Variants in HEATR5A observed in about 807,000 individuals in gnomAD.
HEATR5A encodes the protein HEAT repeat-containing protein 5A.
HEATR5A carries 178 observed loss-of-function variants against 218.8 expected under a neutral mutation model. The ratio of observed to expected loss-of-function variants is 0.81; its 90% confidence interval spans 0.72 to 0.92. HEATR5A has a LOEUF of 0.92. Ranked by LOEUF, HEATR5A falls within the 40% of genes least tolerant of loss-of-function variation. The pLI, the probability that HEATR5A is intolerant of heterozygous loss-of-function variation, is 0.00. For missense variants in HEATR5A, 2,420 were observed against 2,418.9 expected (o/e 1.00, Z -0.01); for synonymous variants, 864 against 871.6 (o/e 0.99, Z 0.15).
chr14:31,336,567 A>G (rs1423559396), intron 22 of HEATR5A, among the ~76,000 whole-genome samples: 1 of 143,574 alleles, frequency 7.0e-6, no homozygotes, highest in Non-Finnish European at 1.6e-5. Context: ...ATAGTTTTAA[A>G]ATGAAGTGAT....
Position 31,304,983 on chromosome 14 carries a change from G to A in HEATR5A, c.5161C>T (p.Leu1721=). The change falls in exon 32 of 36, where the codon CTA becomes TTA. Residue 1721 remains leucine, a synonymous_variant. Coordinates refer to ENST00000543095, the MANE Select transcript of HEATR5A (RefSeq NM_015473.4). The part of the protein sequence containing the change: ...PGVKATKPQI[L]LEDGSRLVSA... ...ACCAATCTACTTCCATCTTCTAATA[G>A]TATCTGTGGCTTCGTAGCTTTTACT... is the stretch of plus-strand genomic sequence containing the variant. 1 of 1,613,948 alleles carries A rather than the reference G, an allele frequency of 6.2e-7. No individual in the cohort carries two copies. Among genetic ancestry groups the A allele is most frequent in the Non-Finnish European group, 8.5e-7 (1 of 1,179,866 alleles).
chr14:31,371,869 A>G lies in HEATR5A; in HGVS notation c.1902T>C (p.Thr634=). The G allele has an allele frequency of 6.4e-7, 1 of 1,553,190 alleles. No homozygotes were observed. Among genetic ancestry groups the G allele is most frequent in the East Asian group, 2.4e-5 (1 of 41,586 alleles). Residue 634 remains threonine (T), a synonymous_variant, in exon 13 of 36, where the codon ACT becomes ACC. Transcript: ENST00000543095. ...GAAGAAGACGCTGAGTTACTTCCTC[A>G]GTAAGAAGATCACCACAGTGGGAAA... ...SFVSHCGDLL[T]EEVTQRLLPP... is the part of the protein sequence containing the mutation.
At chr14:31,324,987 A>G (rs1012988887) in intron 23 of HEATR5A, among the ~76,000 whole-genome samples, 1 of 152,226 alleles carries the variant, frequency 6.6e-6, no homozygotes, top group African/African-American at 2.4e-5. Flanking sequence ...CATGAGAGCT[A>G]CATTAAATTC....
intron 1 of HEATR5A, among the ~76,000 whole-genome samples, chr14:31,412,849 G>A (rs980700928): frequency 6.6e-6 from 1 of 152,110 alleles, no homozygotes. Flanking sequence ...ACTCCAGCCT[G>A]GGCAACAAGA....
intron 3 of HEATR5A, among the ~76,000 whole-genome samples, chr14:31,399,897 C>G (rs1052601127): frequency 1.3e-5 from 2 of 152,142 alleles, no homozygotes; most frequent in Non-Finnish European, 2.9e-5. Context: ...ATAAAATGAA[C>G]TAAATCCTAT....
intron 26 of HEATR5A, 53 bp downstream of exon 26, chr14:31,318,171 T>G: frequency 2.8e-6 from 4 of 1,444,704 alleles, no homozygotes; most frequent in Non-Finnish European, 3.9e-6. Flanking sequence ...AAATACTAAC[T>G]GGAGGACTGC....
intron 32 of HEATR5A, among the ~76,000 whole-genome samples, chr14:31,303,995 C>A (rs554666964): frequency 6.6e-6 from 1 of 151,946 alleles, no homozygotes; most frequent in Non-Finnish European, 1.5e-5. Flanking sequence ...CACTTGAGGC[C>A]AGGAGTTCAA....
At chr14:31,326,681 T>G (rs1900277195) in intron 22 of HEATR5A, among the ~76,000 whole-genome samples, 1 of 152,176 alleles carries the variant, frequency 6.6e-6, no homozygotes, top group Non-Finnish European at 1.5e-5. Flanking sequence ...TCACTCTTGT[T>G]GCCCAGGCTA....
chr14:31,347,541 C>T (rs186441978), intron 19 of HEATR5A, among the ~76,000 whole-genome samples: 148 of 152,310 alleles, frequency 9.7e-4, no homozygotes, highest in Middle Eastern at 3.4e-3. Flanking sequence ...AACAGAGATA[C>T]ATTTTCAGAA....
At chr14:31,320,579 C>A in intron 25 of HEATR5A, 1 of 795,682 alleles carries the variant, frequency 1.3e-6, no homozygotes, top group Non-Finnish European at 2.2e-6. Context: ...GATTAGACCC[C>A]TGGTACAACA....
intron 4 of HEATR5A, among the ~76,000 whole-genome samples, chr14:31,398,134 C>G (rs950542649): frequency 1.3e-5 from 2 of 152,106 alleles, no homozygotes; most frequent in Admixed American, 6.6e-5. Context: ...AAAGGGTGTT[C>G]CAGAGGAGTA....
At chr14:31,294,165 G>A (rs1899102437) in intron 34 of HEATR5A, 61 bp from the exon 35 acceptor site, 1 of 1,120,890 alleles carries the variant, frequency 8.9e-7, no homozygotes, top group African/African-American at 1.6e-5. Context: ...AAGTCCCTGA[G>A]GACTCTTTGC....
At chr14:31,383,384 T>A in intron 10 of HEATR5A, 137 bp downstream of exon 10, 1 of 776,642 alleles carries the variant, frequency 1.3e-6, no homozygotes. Context: ...TCCTCTAAAA[T>A]AAAATTGTAA....
intron 21 of HEATR5A, among the ~76,000 whole-genome samples, chr14:31,342,282 G>A (rs557931102): frequency 1.0e-3 from 154 of 152,170 alleles, no homozygotes; most frequent in African/African-American, 3.6e-3. Context: ...GAGCTACTTC[G>A]GAGGCTGAAG....
At chr14:31,355,129 G>A (rs755765444) in intron 16 of HEATR5A, among the ~76,000 whole-genome samples, 14 of 152,162 alleles carry the variant, frequency 9.2e-5, no homozygotes, top group Non-Finnish European at 1.6e-4. Context: ...AACCACAAAC[G>A]CAGGCCAGGA....
At position 31,333,824 on chromosome 14, in the gene HEATR5A, G is replaced by A. The variant is rs535355061; in HGVS notation, c.3367+3652C>T. ...AGGCAGGTGGATCACTTGAGCCCAG[G>A]AGTTCAAGACCAGCCTGGGCAACAA... On this transcript the variant is annotated intron_variant, in intron 22 of 35. Transcript: ENST00000543095. 3.3e-5 allele frequency among the ~76,000 whole-genome samples: 5 copies of A among 151,482 alleles called. No homozygotes were observed. The East Asian group carries it at 9.8e-4, about 30-fold the overall frequency.
At chr14:31,397,985 A>G (rs1416629543) in intron 4 of HEATR5A, among the ~76,000 whole-genome samples, 1 of 152,196 alleles carries the variant, frequency 6.6e-6, no homozygotes, top group Non-Finnish European at 1.5e-5. Flanking sequence ...TTGTCCTTAC[A>G]TATTAGGGAC....
Position 31,291,864 on chromosome 14 carries a change from T to G in HEATR5A, c.*1441A>C, listed in dbSNP as rs1015408369. On this transcript the variant is annotated 3_prime_UTR_variant, in exon 36 of 36. Coordinates refer to ENST00000543095, the MANE Select transcript of HEATR5A (RefSeq NM_015473.4). ...GTTAGAGTTTGTCAAATGTTTTCAC[T>G]CTGAACAATTTACAATAGTATTTAT... 9.2e-5 allele frequency: 14 copies of G among 152,256 alleles called. No individual in the cohort carries two copies. The highest frequency in any genetic ancestry group is 8.8e-5 in the Non-Finnish European group (6 of 68,042). The allele number at this position is 152,256 out of a possible 1,614,324, so 9.4% of individuals were successfully genotyped here.
At chr14:31,397,424 G>A (rs2030697778) in intron 4 of HEATR5A, among the ~76,000 whole-genome samples, 1 of 151,922 alleles carries the variant, frequency 6.6e-6, no homozygotes, top group African/African-American at 2.4e-5. Flanking sequence ...TTGGGAGGCC[G>A]AGGCAGCTGG....
Sources: allele counts gnomAD v4.1 joint callset (sites outside exome capture counted in the v4.1 genomes callset), GRCh38; gene constraint gnomAD v4.1.1; transcripts MANE v1.5; gene names NCBI Gene and HGNC (gene_info 2026-07-23, HGNC 2026-07-21).